GIGYF2: variants seen among roughly 807,000 people sequenced by gnomAD.
GIGYF2 encodes GRB10 interacting GYF protein 2, also known as GRB10-interacting GYF protein 2.
Under a neutral mutation model 208.1 loss-of-function variants are expected in GIGYF2, and 25 were observed. The ratio of observed to expected loss-of-function variants is 0.12; its 90% CI spans 0.09 to 0.17. GIGYF2 has a LOEUF of 0.17. Among genes scored for constraint, GIGYF2 ranks in the 10% least tolerant of loss-of-function variants. The pLI is 1.00. For missense variants in GIGYF2, 1,302 were observed against 1,579.4 expected, an observed-to-expected ratio of 0.82 and a Z score of 2.98; for synonymous variants, 534 against 543.8, an observed-to-expected ratio of 0.98 and a Z score of 0.25.
At chr2:232,703,202 T>C (rs548838375) in intron 1 of GIGYF2, among the ~76,000 whole-genome samples, 2 of 152,300 alleles carry the variant, frequency 1.3e-5, no homozygotes, top group East Asian at 3.9e-4. Context: ...TAAGAATCAC[T>C]TAGGACTTTT....
chr2:232,726,368 CAA>C (rs1295867270), intron 2 of GIGYF2, among the ~76,000 whole-genome samples: 9 of 89,138 alleles, frequency 1.0e-4, no homozygotes, highest in Admixed American at 1.3e-4. Flanking sequence ...GGCTCTGTCT[CAA>C]AAAAAAAAAA....
intron 21 of GIGYF2, among the ~76,000 whole-genome samples, chr2:232,821,105 C>T (rs772262724): frequency 1.3e-5 from 2 of 152,118 alleles, no homozygotes; most frequent in African/African-American, 4.8e-5. Context: ...GCTGGGATTA[C>T]AGGTGTGTCT....
chr2:232,762,786 A>G (rs1384074709), intron 8 of GIGYF2, among the ~76,000 whole-genome samples: 2 of 152,242 alleles, frequency 1.3e-5, no homozygotes, highest in South Asian at 2.1e-4. Context: ...GCTCATGCCT[A>G]TAATCCCAGT....
chr2:232,836,300 ATATATATATATATATATATATATAT>A lies in GIGYF2; in HGVS notation c.2766+3208_2766+3232del, dbSNP rs1701608381. On this transcript the variant is annotated intron_variant, in intron 22 of 28. Transcript: ENST00000373563. ...TATATATATATATATATATATATATATATATATATATATATATATATATATATATACATATATATACTTATATATT... is the reference window on the plus strand; with the variant it reads ...TATATATATATATATATATATATATAATATACATATATATACTTATATATT... Among the ~76,000 whole-genome samples the A allele has an allele frequency of 1.0e-4, 2 of 19,512 alleles. 1 individual carries two copies. Among genetic ancestry groups the A allele is most frequent in the Non-Finnish European group, 2.3e-4 (2 of 8,570 alleles). The allele number at this position is 19,512 out of a possible 152,430, so 12.8% of individuals were successfully genotyped here.
intron 2 of GIGYF2, among the ~76,000 whole-genome samples, chr2:232,714,920 C>G (rs1007711386): frequency 3.3e-5 from 5 of 152,046 alleles, no homozygotes; most frequent in African/African-American, 9.7e-5. Context: ...CCGATCCTCT[C>G]CCTTCTCCCA....
At chr2:232,794,611 A>T in intron 12 of GIGYF2, 137 bp from the exon 13 acceptor site, 1 of 739,442 alleles carries the variant, frequency 1.4e-6, no homozygotes. Context: ...TTCTCCATAG[A>T]AGTAGCTTCA....
intron 8 of GIGYF2, among the ~76,000 whole-genome samples, chr2:232,781,503 A>G (rs1699722747): frequency 6.6e-6 from 1 of 152,130 alleles, no homozygotes; most frequent in Admixed American, 6.6e-5. Flanking sequence ...TTTGTGACTG[A>G]AGTCACCTTC....
At chr2:232,853,961 C>CT (rs1314513462) in intron 28 of GIGYF2, among the ~76,000 whole-genome samples, 2 of 152,128 alleles carry the variant, frequency 1.3e-5, no homozygotes, top group South Asian at 2.1e-4. Context: ...TATTAATCAA[C>CT]TTTTTTTGGC....
chr2:232,783,258 T>C (rs1011568973), intron 8 of GIGYF2, among the ~76,000 whole-genome samples: 1 of 152,162 alleles, frequency 6.6e-6, no homozygotes, highest in African/African-American at 2.4e-5. Flanking sequence ...AGGCAGAAAA[T>C]TTGAAGATAA....
chr2:232,703,816 C>G (rs1359234755), intron 2 of GIGYF2, among the ~76,000 whole-genome samples: 1 of 152,212 alleles, frequency 6.6e-6, no homozygotes. Flanking sequence ...AACTGGGAAG[C>G]TTTCAGGAGC....
intron 2 of GIGYF2, chr2:232,729,808 G>T: frequency 1.3e-6 from 1 of 746,156 alleles, no homozygotes; most frequent in Non-Finnish European, 2.5e-6. Context: ...AGGTTTTTTG[G>T]CTTTCTTCGA....
intron 22 of GIGYF2, among the ~76,000 whole-genome samples, chr2:232,834,868 AGGG>A (rs1701532773): frequency 1.3e-5 from 2 of 151,988 alleles, no homozygotes; most frequent in Non-Finnish European, 2.9e-5. Flanking sequence ...ATATATATTT[AGGG>A]CATGCAAGTG....
chr2:232,720,148 A>G (rs781148208), intron 2 of GIGYF2, among the ~76,000 whole-genome samples: 5 of 152,094 alleles, frequency 3.3e-5, no homozygotes, highest in Non-Finnish European at 5.9e-5. Flanking sequence ...CCTGTGTCCA[A>G]GTGTTCTCAT....
At chr2:232,816,785 G>A in intron 19 of GIGYF2, 86 bp from the exon 20 acceptor site, 1 of 997,652 alleles carries the variant, frequency 1.0e-6, no homozygotes, top group South Asian at 1.3e-5. Context: ...GCAGCTGATT[G>A]AATGAACGAA....
At chr2:232,855,322 A>C (rs1445749840) in intron 28 of GIGYF2, among the ~76,000 whole-genome samples, 2 of 152,178 alleles carry the variant, frequency 1.3e-5, no homozygotes, top group Non-Finnish European at 2.9e-5. Context: ...TCCTGGCCTC[A>C]AGTAATCCAC....
intron 8 of GIGYF2, among the ~76,000 whole-genome samples, chr2:232,782,502 C>G: frequency 6.6e-6 from 1 of 152,100 alleles, no homozygotes; most frequent in East Asian, 1.9e-4. Flanking sequence ...CAAGAATATT[C>G]GTAGAAGCAC....
intron 25 of GIGYF2, among the ~76,000 whole-genome samples, chr2:232,845,130 C>CCTCT (rs1198790068): frequency 6.6e-6 from 1 of 152,124 alleles, no homozygotes; most frequent in Non-Finnish European, 1.5e-5. Flanking sequence ...CAAGAGGGAA[C>CCTCT]CTCTTTGGGC....
intron 19 of GIGYF2, 76 bp from the exon 20 acceptor site, chr2:232,816,795 A>G (rs1264718383): frequency 3.6e-5 from 40 of 1,096,218 alleles, no homozygotes; most frequent in Admixed American, 6.9e-5. Flanking sequence ...GAATGAACGA[A>G]TACTACTGGT....
intron 20 of GIGYF2, among the ~76,000 whole-genome samples, chr2:232,817,898 T>C (rs1700962234): frequency 6.6e-6 from 1 of 152,224 alleles, no homozygotes; most frequent in African/African-American, 2.4e-5. Context: ...GTGGAGTTGC[T>C]GGATCATATG....
Sources: allele counts gnomAD v4.1 joint callset (sites outside exome capture counted in the v4.1 genomes callset), GRCh38; gene constraint gnomAD v4.1.1; transcripts MANE v1.5; gene names NCBI Gene and HGNC (gene_info 2026-07-23, HGNC 2026-07-21).